Variants in MMP20 observed in about 807,000 individuals in gnomAD.
MMP20 encodes the protein matrix metallopeptidase 20, also known as matrix metalloproteinase-20.
MMP20 carries 50 observed loss-of-function variants against 51.8 expected under a neutral mutation model. That is an observed-to-expected ratio of 0.97 (90% CI 0.77 to 1.22). The LOEUF (loss-of-function observed/expected upper bound fraction) is 1.22. Ranked by LOEUF, MMP20 falls within the 50% of genes most tolerant of loss-of-function variation. MMP20 has a pLI of 0.00. For missense variants in MMP20, 663 were observed against 601.4 expected (o/e 1.10, Z -1.07); for synonymous variants, 244 against 216.2 (o/e 1.13, Z -1.13).
At position 102,577,361 on chromosome 11, in the gene MMP20, T is replaced by G; in HGVS notation, c.1417A>C (p.Ser473Arg). ...KYDTEKEDVV[S>R]VVKSSSWIGC Reference sequence around the variant, plus strand: ...ATCCAGGAACTAGATTTCACCACACTAACCACATCTTCCTTCTCTGTGTCA... The same window carrying G: ...ATCCAGGAACTAGATTTCACCACACGAACCACATCTTCCTTCTCTGTGTCA... Residue 473 changes from serine (S) to arginine (R), a missense_variant, in exon 10 of 10, where the codon AGT becomes CGT. Physicochemically the swap from Ser to Arg is moderately radical, Grantham distance 110. Coordinates refer to ENST00000260228, the MANE Select transcript of MMP20 (RefSeq NM_004771.4). The G allele has an allele frequency of 6.2e-7, 1 of 1,614,056 alleles. No individual in the cohort carries two copies. Among genetic ancestry groups the G allele is most frequent in the Non-Finnish European group, 8.5e-7 (1 of 1,179,888 alleles).
intron 8 of MMP20, among the ~76,000 whole-genome samples, chr11:102,583,877 A>T (rs1859223654): frequency 6.6e-6 from 1 of 152,206 alleles, no homozygotes; most frequent in East Asian, 1.9e-4. Context: ...CATTTTATAC[A>T]ATATGCAGAT....
intron 8 of MMP20, among the ~76,000 whole-genome samples, chr11:102,580,665 A>G (rs568502839): frequency 1.1e-3 from 164 of 152,044 alleles, no homozygotes; most frequent in Non-Finnish European, 1.5e-3. Context: ...ATGTGTAGAC[A>G]TTATGCAGGG....
At chr11:102,610,250 T>TA (rs1027565503) in intron 3 of MMP20, among the ~76,000 whole-genome samples, 9 of 151,598 alleles carry the variant, frequency 5.9e-5, no homozygotes, top group Non-Finnish European at 7.4e-5. Context: ...GCATTAGCAA[T>TA]AAAAAAACAC....
chr11:102,609,560 A>G (rs1467935335), intron 4 of MMP20, among the ~76,000 whole-genome samples: 2 of 152,210 alleles, frequency 1.3e-5, no homozygotes, highest in African/African-American at 4.8e-5. Context: ...ACTTCTCAGG[A>G]CAGTACTGAT....
chr11:102,600,428 C>G (rs1261990278), intron 6 of MMP20, among the ~76,000 whole-genome samples: 3 of 152,194 alleles, frequency 2.0e-5, no homozygotes, highest in Non-Finnish European at 4.4e-5. Flanking sequence ...TATTAACAAG[C>G]TTCTCAAATG....
intron 6 of MMP20, among the ~76,000 whole-genome samples, chr11:102,599,593 G>C (rs1859422334): frequency 6.6e-6 from 1 of 152,182 alleles, no homozygotes. Context: ...ACTTTAAAAA[G>C]ACATGTTTTT....
chr11:102,619,508 C>G (rs1859720045), intron 1 of MMP20, among the ~76,000 whole-genome samples: 1 of 151,782 alleles, frequency 6.6e-6, no homozygotes, highest in Non-Finnish European at 1.5e-5. Flanking sequence ...TGAGATGAGG[C>G]CAGTGGTGGG....
At chr11:102,622,221 CTCTGGTGTTTCCAGGAGCCAT>C (rs2135949995) in intron 1 of MMP20, among the ~76,000 whole-genome samples, 1 of 152,250 alleles carries the variant, frequency 6.6e-6, no homozygotes, top group African/African-American at 2.4e-5. Flanking sequence ...AACGTGGCCT[CTCTGGTGTTTCCAGGAGCCAT>C]TTGTTCTTTC....
At chr11:102,600,061 T>C (rs1032827517) in intron 6 of MMP20, among the ~76,000 whole-genome samples, 2 of 152,344 alleles carry the variant, frequency 1.3e-5, no homozygotes, top group East Asian at 3.9e-4. Context: ...TTACTTCACC[T>C]CTGCTTCTTT....
intron 6 of MMP20, among the ~76,000 whole-genome samples, chr11:102,602,976 T>A (rs942919131): frequency 6.6e-6 from 1 of 152,252 alleles, no homozygotes; most frequent in Non-Finnish European, 1.5e-5. Flanking sequence ...AAGTGTATGT[T>A]CATTAAGTAT....
Position 102,616,873 on chromosome 11 carries a change from C to T in MMP20, c.313G>A (p.Val105Met). ...CCAGGGAAGAGGCGATAATTGGCCA[C>T]ATCAGGAACTCCACAGCGAGGCTTC... ...IKKPRCGVPD[V>M]ANYRLFPGEP... is the part of the protein sequence containing the mutation. Residue 105 changes from valine (V) to methionine (M), a missense_variant, in exon 2 of 10, where the codon GTG (valine) becomes ATG (methionine). Physicochemically the swap from Val to Met is conservative, Grantham distance 21. Transcript: ENST00000260228. The T allele has an allele frequency of 1.2e-6, 2 of 1,614,214 alleles. No individual in the cohort carries two copies. Among genetic ancestry groups the T allele is most frequent in the Non-Finnish European group, 1.7e-6 (2 of 1,180,038 alleles).
intron 7 of MMP20, among the ~76,000 whole-genome samples, chr11:102,594,310 G>A (rs1343959908): frequency 1.3e-5 from 2 of 152,194 alleles, no homozygotes; most frequent in Non-Finnish European, 2.9e-5. Context: ...TGTCAGTAGA[G>A]TATACACTGT....
chr11:102,593,667 A>G, intron 7 of MMP20, 72 bp from the exon 8 acceptor site: 3 of 1,540,522 alleles, frequency 1.9e-6, no homozygotes, highest in Non-Finnish European at 1.8e-6. Context: ...AAAGATTTCT[A>G]TGAAGGCTCT....
chr11:102,594,770 CCAAA>C lies in MMP20; in HGVS notation c.954-17_954-14del. 2 of 1,213,214 alleles carry C rather than the reference CCAAA, an allele frequency of 1.6e-6. No individual in the cohort carries two copies. The highest frequency in any genetic ancestry group is 3.6e-5 in the Admixed American group (1 of 27,572). The allele number at this position is 1,213,214 out of a possible 1,614,324, so 75.2% of individuals were successfully genotyped here. Reference sequence around the variant, plus strand: ...TCTCCAGAAAATCCTATGGGACATTCCAAAAAAAAAAAAAAAAAAAATCAAGATC... The same window carrying C: ...TCTCCAGAAAATCCTATGGGACATTCAAAAAAAAAAAAAAAAATCAAGATC... On this transcript the variant is annotated splice_polypyrimidine_tract_variant and intron_variant, in intron 6 of 9. Transcript: ENST00000260228.
chr11:102,624,355 G>A (rs957307124), intron 1 of MMP20, among the ~76,000 whole-genome samples: 6 of 123,602 alleles, frequency 4.9e-5, no homozygotes, highest in Non-Finnish European at 1.1e-4. Context: ...CATTTCTTTA[G>A]GTTAAGGATG....
At chr11:102,616,061 G>A (rs913330378) in intron 2 of MMP20, among the ~76,000 whole-genome samples, 2 of 152,208 alleles carry the variant, frequency 1.3e-5, no homozygotes, top group Admixed American at 1.3e-4. Context: ...GAGGGACAGA[G>A]GTTCTGGTTG....
intron 1 of MMP20, among the ~76,000 whole-genome samples, chr11:102,617,575 A>C (rs1859690995): frequency 6.6e-6 from 1 of 152,206 alleles, no homozygotes; most frequent in Non-Finnish European, 1.5e-5. Flanking sequence ...CTCACACTTT[A>C]CAAAGGCAGA....
rs61730847 is a variant in MMP20 at position 102,625,228 on chromosome 11, G to A, written c.92C>T (p.Pro31Leu). 7.3e-3 allele frequency: 11,742 copies of A among 1,613,970 alleles called. 53 individuals carry two copies. Among genetic ancestry groups the A allele is most frequent in the Non-Finnish European group, 9.0e-3 (10,568 of 1,179,982 alleles). Reference sequence around the variant, plus strand: ...GCGGTAGTTGTTCCTCCAGGTCCTGGGGGAGGCTGCAACTAGGGAGGGGGC... The same window carrying A: ...GCGGTAGTTGTTCCTCCAGGTCCTGAGGGAGGCTGCAACTAGGGAGGGGGC... ...TAAPSLVAAS[P>L]RTWRNNYRLA... Residue 31 changes from proline (P) to leucine (L), a missense_variant, in exon 1 of 10, where the codon CCC becomes CTC. By Grantham distance (98) the Pro-to-Leu change is moderately conservative. Transcript: ENST00000260228.
intron 1 of MMP20, among the ~76,000 whole-genome samples, chr11:102,624,135 C>A (rs1859786232): frequency 6.6e-6 from 1 of 152,180 alleles, no homozygotes; most frequent in African/African-American, 2.4e-5. Context: ...TAGGGACATG[C>A]CATTGCACAT....
Sources: gnomAD v4.1 joint callset for allele counts (sites outside exome capture counted in the v4.1 genomes callset) on GRCh38, gnomAD v4.1.1 for gene constraint, MANE v1.5 for transcripts, NCBI Gene and HGNC (gene_info 2026-07-23, HGNC 2026-07-21) for gene names.